ANK3: variants seen among roughly 807,000 people sequenced by gnomAD.
The protein encoded by ANK3 is ankyrin-3.
In ANK3, 57 loss-of-function variants were observed where a neutral mutation model predicts 370.9. The ratio of observed to expected loss-of-function variants is 0.15; its 90% CI spans 0.12 to 0.19. ANK3 has a LOEUF of 0.19. ANK3 is among the 10% of genes least tolerant of loss of function. ANK3 has a pLI of 1.00. For synonymous variants in ANK3, 1,929 were observed against 1,946.3 expected, an observed-to-expected ratio of 0.99 and a Z score of 0.23; for missense variants, 4,439 against 5,302.1, an observed-to-expected ratio of 0.84 and a Z score of 5.06.
intron 42 of ANK3, among the ~76,000 whole-genome samples, chr10:60,048,231 G>C (rs1247965575): frequency 2.0e-5 from 3 of 152,114 alleles, no homozygotes; most frequent in African/African-American, 7.2e-5. Context: ...CTAAGTGCTA[G>C]GGGGCTTACT....
chr10:60,317,409 C>G (rs758264650), intron 1 of ANK3, among the ~76,000 whole-genome samples: 2 of 152,146 alleles, frequency 1.3e-5, no homozygotes, highest in Admixed American at 6.6e-5. Flanking sequence ...CAGGCATGAG[C>G]CACTGTGCCC....
At chr10:60,680,181 A>T (rs531701413) in intron 1 of ANK3, among the ~76,000 whole-genome samples, 2 of 152,218 alleles carry the variant, frequency 1.3e-5, no homozygotes, top group Admixed American at 1.3e-4. Context: ...AGGAAAAAAA[A>T]ATAGATTTTA....
At chr10:60,503,134 G>A (rs1257733718) in intron 2 of ANK3, among the ~76,000 whole-genome samples, 1 of 152,108 alleles carries the variant, frequency 6.6e-6, no homozygotes, top group Non-Finnish European at 1.5e-5. Flanking sequence ...TTGACATGCT[G>A]CTCTTTAAAC....
At chr10:60,449,575 C>T (rs1473053727) in intron 2 of ANK3, among the ~76,000 whole-genome samples, 2 of 152,180 alleles carry the variant, frequency 1.3e-5, no homozygotes, top group Non-Finnish European at 2.9e-5. Context: ...CAGGCTCAGA[C>T]TCCTGGGGTC....
chr10:60,048,524 C>T (rs1218014728), intron 42 of ANK3, among the ~76,000 whole-genome samples: 3 of 152,182 alleles, frequency 2.0e-5, no homozygotes, highest in Admixed American at 1.3e-4. Context: ...TGCAGATGCT[C>T]AAGTCCCAGA....
At chr10:60,514,618 A>G (rs1443083592) in intron 2 of ANK3, among the ~76,000 whole-genome samples, 1 of 152,106 alleles carries the variant, frequency 6.6e-6, no homozygotes, top group Non-Finnish European at 1.5e-5. Flanking sequence ...GAAATCTAAA[A>G]CAAATAGGAA....
intron 11 of ANK3, among the ~76,000 whole-genome samples, chr10:60,205,366 A>G (rs942967269): frequency 2.0e-5 from 3 of 152,118 alleles, no homozygotes; most frequent in Non-Finnish European, 2.9e-5. Context: ...TATACTGTAA[A>G]CTGTTTAGTA....
In ANK3 at chr10:60,084,562, A is replaced by C. The variant is rs779008634; in HGVS notation, c.4074+40T>G. The C allele has an allele frequency of 3.3e-6, 5 of 1,493,522 alleles. No homozygotes were observed. The African/African-American group carries it at 6.9e-5, about 21-fold the overall frequency. 92.5% of individuals were successfully genotyped at this position (1,493,522 alleles called of 1,614,324 possible). A position where few individuals can be genotyped will look rare whatever the true frequency, so the allele number is the denominator to read the frequency against. On this transcript the variant is annotated intron_variant, in intron 32 of 43. Coordinates refer to ENST00000280772, the MANE Select transcript of ANK3 (RefSeq NM_020987.5). ...CCACAAAATAAAACCTCATATCTGGAGTACGTAATGAAATGAACTTGTTTT... is the reference window on the plus strand; with the variant it reads ...CCACAAAATAAAACCTCATATCTGGCGTACGTAATGAAATGAACTTGTTTT...
At chr10:60,046,989 A>G (rs1468837348) in intron 42 of ANK3, among the ~76,000 whole-genome samples, 1 of 151,978 alleles carries the variant, frequency 6.6e-6, no homozygotes, top group South Asian at 2.1e-4. Context: ...TGTATTTTTT[A>G]GGAGAGACGG....
chr10:60,076,058 G>C lies in ANK3; in HGVS notation c.4823C>G (p.Ala1608Gly). The C allele has an allele frequency of 6.2e-7, 1 of 1,614,202 alleles. No homozygotes were observed. Among genetic ancestry groups the C allele is most frequent in the Non-Finnish European group, 8.5e-7 (1 of 1,179,998 alleles). ...TLARAPAVTE[A>G]TPLKGLASNS... ...GGATGCCAGCCCTTTTAAGGGCGTA[G>C]CTTCCGTGACTGCTGGAGCTCTAGC... The change falls in exon 37 of 44, where the codon GCT becomes GGT. Residue 1608 changes from alanine (A) to glycine (G), a missense_variant. Ala to Gly is a moderately conservative substitution (Grantham distance 60). Around this residue, in one of 13 missense-constraint regions of ANK3, gnomAD observed 679 missense variants for 791.0 expected, o/e 0.86. Transcript: ENST00000280772.
intron 8 of ANK3, among the ~76,000 whole-genome samples, chr10:60,226,487 ATACATATACTATAGTATATATACATAG>A (rs2097149523): frequency 1.3e-5 from 1 of 75,896 alleles, no homozygotes; most frequent in Non-Finnish European, 2.2e-5. Context: ...TACTATATAT[ATACATATACTATAGTATATATACATAG>A]TATATATACT....
chr10:60,052,326 TCAA>T (rs533908310), intron 42 of ANK3, among the ~76,000 whole-genome samples: 16 of 152,130 alleles, frequency 1.1e-4, no homozygotes, highest in East Asian at 3.9e-4. Flanking sequence ...AGACTCCGTC[TCAA>T]CAACAACAAC....
chr10:60,096,489 T>TG (rs1251477810), intron 28 of ANK3, among the ~76,000 whole-genome samples: 3 of 152,306 alleles, frequency 2.0e-5, no homozygotes, highest in East Asian at 3.9e-4. Flanking sequence ...CCTAATGCAA[T>TG]GTCCTCCAAC....
intron 1 of ANK3, among the ~76,000 whole-genome samples, chr10:60,625,105 C>T (rs1011386213): frequency 6.6e-6 from 1 of 152,070 alleles, no homozygotes; most frequent in Non-Finnish European, 1.5e-5. Context: ...GACTGGCGGG[C>T]CCTGCTTCCT....
intron 2 of ANK3, among the ~76,000 whole-genome samples, chr10:60,506,154 A>G (rs1169589767): frequency 1.3e-5 from 2 of 152,162 alleles, no homozygotes; most frequent in African/African-American, 2.4e-5. Context: ...GCAGGAAAAT[A>G]TGCAAATACA....
chr10:60,391,175 C>A (rs1446338069), upstream of ANK3, among the ~76,000 whole-genome samples: 1 of 152,204 alleles, frequency 6.6e-6, no homozygotes, highest in Non-Finnish European at 1.5e-5. Flanking sequence ...TACCAATGGA[C>A]TGCGCACTTC....
intron 2 of ANK3, among the ~76,000 whole-genome samples, chr10:60,586,087 GA>G (rs5785458): frequency 0.47 from 71,103 of 150,292 alleles, 17,108 homozygotes; most frequent in Middle Eastern, 0.52. Flanking sequence ...TTAAAAAAGG[GA>G]AAAAAAAAAC....
At chr10:60,349,938 C>T (rs1487378969) in intron 1 of ANK3, among the ~76,000 whole-genome samples, 1 of 152,138 alleles carries the variant, frequency 6.6e-6, no homozygotes, top group African/African-American at 2.4e-5. Flanking sequence ...AGTTAATAAG[C>T]ATTTTCCTGG....
At chr10:60,180,594 CAAAAAAAAAA>C (rs58386273) in intron 18 of ANK3, among the ~76,000 whole-genome samples, 1 of 63,414 alleles carries the variant, frequency 1.6e-5, no homozygotes, top group Non-Finnish European at 2.7e-5. Context: ...GACTCCGTCT[CAAAAAAAAAA>C]AAAAAAAAAC....
Sources: allele counts gnomAD v4.1 joint callset (sites outside exome capture counted in the v4.1 genomes callset), GRCh38; gene constraint gnomAD v4.1.1; regional missense constraint gnomAD v4.1.1; transcripts MANE v1.5; gene names NCBI Gene and HGNC (gene_info 2026-07-23, HGNC 2026-07-21).